Variants in KCNV2 observed in about 807,000 individuals in gnomAD.
KCNV2 encodes the protein potassium voltage-gated channel modifier subfamily V member 2, also known as potassium voltage-gated channel subfamily V member 2.
In KCNV2, 65 loss-of-function variants were observed where a neutral mutation model predicts 37.0. That is an observed-to-expected ratio of 1.76 (90% CI 1.44 to 2.16). KCNV2 has a LOEUF of 2.16. KCNV2 is among the 30% of genes most tolerant of loss of function. The probability of loss-of-function intolerance (pLI) is 0.00; values close to 1 mark genes in which losing one functional copy is unlikely to be tolerated. For synonymous variants in KCNV2, 518 were observed against 328.6 expected (o/e 1.58, Z -6.23); for missense variants, 1,232 against 766.7 (o/e 1.61, Z -7.17).
intron 1 of KCNV2, among the ~76,000 whole-genome samples, chr9:2,725,073 G>A (rs1819947110): frequency 6.6e-6 from 1 of 152,290 alleles, no homozygotes; most frequent in African/African-American, 2.4e-5. Flanking sequence ...CCAATATGAT[G>A]TGAGTGGAAC....
chr9:2,727,130 G>A (rs372953773), intron 1 of KCNV2, among the ~76,000 whole-genome samples: 1 of 152,148 alleles, frequency 6.6e-6, no homozygotes, highest in Non-Finnish European at 1.5e-5. Flanking sequence ...ATCCAGAGGT[G>A]TGAGTCATGG....
Position 2,718,830 on chromosome 9 carries a change from A to T in KCNV2, c.1091A>T (p.Gln364Leu). The stretch of plus-strand genomic sequence containing the variant: ...ACGGGCGAGGGCCACCAACGCGGCC[A>T]GACGGTGGGCAGCGTGGGTAAGGTG... The part of the protein sequence containing the change: ...CFTGEGHQRG[Q>L]TVGSVGKVGQ... Residue 364 changes from glutamine to leucine, a missense_variant, in exon 1 of 2, where the codon CAG becomes CTG. Coordinates refer to ENST00000382082, the MANE Select transcript of KCNV2 (RefSeq NM_133497.4). The T allele has an allele frequency of 1.9e-6, 3 of 1,609,922 alleles. No individual in the cohort carries two copies. The highest frequency in any genetic ancestry group is 3.3e-5 in the Admixed American group (2 of 60,030).
chr9:2,718,164 A>G lies in KCNV2; in HGVS notation c.425A>G (p.Tyr142Cys), dbSNP rs747275875. 1 of 1,612,916 alleles carries G rather than the reference A, an allele frequency of 6.2e-7. No homozygotes were observed. ...RSRQLSLCDD[Y>C]EEQTDEYFFD... ...CGCCAGCTAAGCCTGTGCGACGACT[A>G]CGAGGAGCAGACAGACGAATACTTC... Residue 142 changes from tyrosine to cysteine, a missense_variant, in exon 1 of 2, where the codon TAC becomes TGC. Transcript: ENST00000382082.
Position 2,717,629 on chromosome 9 carries a change from C to T in KCNV2, c.-111C>T, listed in dbSNP as rs188986938. The T allele has an allele frequency of 1.5e-3, 2,119 of 1,415,254 alleles. 4 individuals are homozygous for T. The highest frequency in any genetic ancestry group is 1.9e-3 in the Non-Finnish European group (1,921 of 1,008,766). The allele number at this position is 1,415,254 out of a possible 1,614,324, so 87.7% of individuals were successfully genotyped here. A position where few individuals can be genotyped will look rare whatever the true frequency, so the allele number is the denominator to read the frequency against. On this transcript the variant is annotated 5_prime_UTR_variant, in exon 1 of 2. Transcript: ENST00000382082. ...CCCTAGCTGTGCTGGTCCGGGCTGGCCTCTCTAAGACAGTGCAGGCCACGT... is the reference window on the plus strand; with the variant it reads ...CCCTAGCTGTGCTGGTCCGGGCTGGTCTCTCTAAGACAGTGCAGGCCACGT...
Position 2,718,765 on chromosome 9 carries a change from C to T in KCNV2, c.1026C>T (p.Ala342=), listed in dbSNP as rs141789289. ...CCCTCAACCTGGTGGACCTGGTGGC[C>T]ATCCTGCCGCTCTACCTTCAGCTGC... ...RSALNLVDLV[A]ILPLYLQLLL... is the part of the protein sequence containing the mutation. The change falls in exon 1 of 2, where the codon GCC becomes GCT. Residue 342 remains alanine (A), a synonymous_variant. Transcript: ENST00000382082. 664 of 1,611,410 alleles carry T rather than the reference C, an allele frequency of 4.1e-4. 1 individual carries two copies. The African/African-American group carries it at 7.6e-3, about 19-fold the overall frequency.
intron 1 of KCNV2, 107 bp downstream of exon 1, chr9:2,719,202 TC>T: frequency 1.4e-5 from 18 of 1,250,142 alleles, no homozygotes; most frequent in Non-Finnish European, 1.7e-5. Flanking sequence ...ATCCTCGTCT[TC>T]CCCCCCACCC....
chr9:2,727,730 A>T (rs930416823), intron 1 of KCNV2, among the ~76,000 whole-genome samples: 3 of 152,114 alleles, frequency 2.0e-5, no homozygotes, highest in Non-Finnish European at 4.4e-5. Flanking sequence ...ATATATAATA[A>T]TATTATTGCT....
chr9:2,729,732 T>C lies in KCNV2; in HGVS notation c.*5T>C, dbSNP rs539025254. The C allele has an allele frequency of 3.5e-5, 57 of 1,613,892 alleles. 1 individual carries two copies. The Middle Eastern group carries it at 6.6e-4, about 19-fold the overall frequency. On this transcript the variant is annotated 3_prime_UTR_variant, in exon 2 of 2. Transcript: ENST00000382082. ...ACCCCAAGACAAGAGAATTAGTATT[T>C]TATAGGACATGTGGCTGGTAGATTC...
In KCNV2 at chr9:2,718,084, G is replaced by T. The variant is rs202166642; in HGVS notation, c.345G>T (p.Leu115=). Residue 115 remains leucine, a synonymous_variant, in exon 1 of 2, where the codon CTG becomes CTT. Transcript: ENST00000382082. ...GHSYQLDYCE[L]AGFPKTRLGR... is the part of the protein sequence containing the mutation. The stretch of plus-strand genomic sequence containing the variant: ...GCTACCAGCTGGACTACTGCGAGCT[G>T]GCCGGCTTCCCCAAGACGCGCCTAG... 6.9e-6 allele frequency: 11 copies of T among 1,601,116 alleles called. No homozygotes were observed. The highest frequency in any genetic ancestry group is 5.2e-5 in the Admixed American group (3 of 57,350).
chr9:2,718,022 C>T lies in KCNV2; in HGVS notation c.283C>T (p.Leu95=), dbSNP rs1318046482. ...KPEGPSDPPA[L]LSTLNVNVGG... is the part of the protein sequence containing the mutation. ...CGAGGGCCCCAGCGACCCTCCGGCCCTGCTGTCCACGCTGAATGTGAACGT... is the reference window on the plus strand; with the variant it reads ...CGAGGGCCCCAGCGACCCTCCGGCCTTGCTGTCCACGCTGAATGTGAACGT... The change falls in exon 1 of 2, where the codon CTG becomes TTG. Residue 95 remains leucine, a synonymous_variant. Transcript: ENST00000382082. 2 of 1,612,772 alleles carry T rather than the reference C, an allele frequency of 1.2e-6. No individual in the cohort carries two copies. The highest frequency in any genetic ancestry group is 1.7e-6 in the Non-Finnish European group (2 of 1,179,420).
chr9:2,720,932 T>C (rs1023968824), intron 1 of KCNV2, among the ~76,000 whole-genome samples: 4 of 152,248 alleles, frequency 2.6e-5, no homozygotes, highest in Non-Finnish European at 5.9e-5. Context: ...GAATACCCAT[T>C]GATCTCACTT....
chr9:2,718,792 GCTC>G lies in KCNV2; in HGVS notation c.1054_1056del (p.Leu352del). 6.2e-7 allele frequency: 1 copy of G among 1,610,802 alleles called. No individual in the cohort carries two copies. Among genetic ancestry groups the G allele is most frequent in the Non-Finnish European group, 8.5e-7 (1 of 1,179,900 alleles). On this transcript the variant is annotated inframe_deletion, in exon 1 of 2. Transcript: ENST00000382082. Reference sequence around the variant, plus strand: ...TCCTGCCGCTCTACCTTCAGCTGCTGCTCGAGTGCTTCACGGGCGAGGGCCACC... The same window carrying G: ...TCCTGCCGCTCTACCTTCAGCTGCTGGAGTGCTTCACGGGCGAGGGCCACC...
intron 1 of KCNV2, among the ~76,000 whole-genome samples, chr9:2,725,853 T>A (rs1204466091): frequency 6.6e-6 from 1 of 152,212 alleles, no homozygotes; most frequent in Admixed American, 6.5e-5. Context: ...ATTCTCAAGT[T>A]TTGGAGAAAA....
rs773762641 is a variant in KCNV2 at position 2,729,487 on chromosome 9, G to C, written c.1398G>C (p.Glu466Asp). ...STVGYGDMYP[E>D]THLGRFFAFL... ...TGGGCTACGGAGACATGTACCCAGA[G>C]ACCCACCTGGGCAGGTTTTTTGCCT... The change falls in exon 2 of 2, where the codon GAG becomes GAC. Residue 466 changes from glutamate (E) to aspartate (D), a missense_variant. Transcript: ENST00000382082. 1.2e-6 allele frequency: 2 copies of C among 1,614,034 alleles called. No homozygotes were observed. Among genetic ancestry groups the C allele is most frequent in the East Asian group, 4.5e-5 (2 of 44,872 alleles).
rs755632260 is a variant in KCNV2 at position 2,718,420 on chromosome 9, G to C, written c.681G>C (p.Glu227Asp). 1 of 1,604,750 alleles carries C rather than the reference G, an allele frequency of 6.2e-7. No individual in the cohort carries two copies. The highest frequency in any genetic ancestry group is 8.5e-7 in the Non-Finnish European group (1 of 1,176,586). Residue 227 changes from glutamate to aspartate, a missense_variant, in exon 1 of 2, where the codon GAG becomes GAC. Coordinates refer to ENST00000382082, the MANE Select transcript of KCNV2 (RefSeq NM_133497.4). ...AGCTGCGCGCGCAGGCGCAGGTCGAGGAGGCGGAGGAACTCTTCCGCGACA... is the reference window on the plus strand; with the variant it reads ...AGCTGCGCGCGCAGGCGCAGGTCGACGAGGCGGAGGAACTCTTCCGCGACA... The part of the protein sequence containing the change: ...QHELRAQAQV[E>D]EAEELFRDMR...
chr9:2,719,212 C>A, intron 1 of KCNV2, 117 bp downstream of exon 1: 2 of 1,143,188 alleles, frequency 1.7e-6, no homozygotes, highest in South Asian at 1.3e-5. Context: ...TCCCCCCCAC[C>A]CCCAATCGCC....
intron 1 of KCNV2, among the ~76,000 whole-genome samples, chr9:2,726,380 A>G (rs375615123): frequency 2.8e-4 from 43 of 152,294 alleles, no homozygotes; most frequent in African/African-American, 9.9e-4. Flanking sequence ...TTCTCTAAAA[A>G]TAGAGATTGA....
chr9:2,721,388 C>G (rs895216326), intron 1 of KCNV2, among the ~76,000 whole-genome samples: 2 of 152,130 alleles, frequency 1.3e-5, no homozygotes, highest in Non-Finnish European at 2.9e-5. Context: ...TGTTATTAAT[C>G]CAGTTCTTCT....
chr9:2,722,237 AAATT>A (rs1202536886), intron 1 of KCNV2, among the ~76,000 whole-genome samples: 1 of 141,986 alleles, frequency 7.0e-6, no homozygotes, highest in Non-Finnish European at 1.5e-5. Flanking sequence ...ATTTATAAAT[AAATT>A]AGAAGTTATT....
Sources: allele counts gnomAD v4.1 joint callset (sites outside exome capture counted in the v4.1 genomes callset), GRCh38; gene constraint gnomAD v4.1.1; transcripts MANE v1.5; gene names NCBI Gene and HGNC (gene_info 2026-07-23, HGNC 2026-07-21).